The following AKR1B15 variants were observed in gnomAD, a reference collection of about 807,000 sequenced individuals.
The protein encoded by AKR1B15 is estradiol 17-beta-dehydrogenase AKR1B15.
In AKR1B15, 49 loss-of-function variants were observed where a neutral mutation model predicts 38.5. The observed-to-expected ratio is 1.27, with a 90% CI of 1.01 to 1.62. AKR1B15 has a LOEUF of 1.62. AKR1B15 is among the 40% of genes most tolerant of loss of function. The pLI is 0.00. For missense variants in AKR1B15, 411 were observed against 381.6 expected (o/e 1.08, Z -0.64); for synonymous variants, 137 against 135.5 (o/e 1.01, Z -0.08).
chr7:134,573,226 T>A (rs1048372201), intron 6 of AKR1B15: 1 of 209,350 alleles, frequency 4.8e-6, no homozygotes, highest in Non-Finnish European at 8.3e-6. Flanking sequence ...AGATGAGGTT[T>A]CACCATGTTG....
At chr7:134,569,781 A>C in intron 5 of AKR1B15, 2 of 402,998 alleles carry the variant, frequency 5.0e-6, no homozygotes. Flanking sequence ...GTGATTTCCT[A>C]TGCCTGTCTT....
intron 6 of AKR1B15, chr7:134,573,631 G>C: frequency 1.2e-6 from 1 of 834,860 alleles, no homozygotes; most frequent in Non-Finnish European, 1.4e-6. Context: ...GTATAAAGAA[G>C]TCAAGTTTTA....
intron 9 of AKR1B15, 126 bp downstream of exon 9, chr7:134,576,556 A>G (rs182480159): frequency 6.9e-5 from 80 of 1,162,766 alleles, no homozygotes; most frequent in Middle Eastern, 3.9e-4. Context: ...CCTCTAAAGT[A>G]TTTCCTTTGA....
intron 5 of AKR1B15, 80 bp from the exon 6 acceptor site, chr7:134,571,524 A>G (rs1176751004): frequency 1.3e-5 from 14 of 1,064,250 alleles, no homozygotes; most frequent in South Asian, 2.6e-5. Context: ...TTTAGCAAGC[A>G]TCAGGATCCT....
intron 3 of AKR1B15, among the ~76,000 whole-genome samples, chr7:134,566,721 A>C (rs1201158239): frequency 2.0e-5 from 3 of 151,864 alleles, no homozygotes; most frequent in African/African-American, 7.3e-5. Context: ...GTGCACACTG[A>C]CTTTTTTCCC....
chr7:134,555,591 G>A (rs1794164709), intron 1 of AKR1B15, among the ~76,000 whole-genome samples: 1 of 151,958 alleles, frequency 6.6e-6, no homozygotes, highest in South Asian at 2.1e-4. Flanking sequence ...CTTCCTTCAT[G>A]ACAGGATGTG....
At chr7:134,557,055 C>T (rs758995314) in intron 2 of AKR1B15, among the ~76,000 whole-genome samples, 196 bp downstream of exon 2, 1 of 152,146 alleles carries the variant, frequency 6.6e-6, no homozygotes, top group Non-Finnish European at 1.5e-5. Flanking sequence ...AAATACTCTT[C>T]AAAGAGTTCG....
intron 3 of AKR1B15, among the ~76,000 whole-genome samples, chr7:134,567,855 A>T (rs1562949028): frequency 6.6e-6 from 1 of 152,220 alleles, no homozygotes; most frequent in Non-Finnish European, 1.5e-5. Context: ...TAATCATAAA[A>T]TTAATTCACT....
chr7:134,555,757 G>A (rs567357674), intron 1 of AKR1B15, among the ~76,000 whole-genome samples: 2 of 152,082 alleles, frequency 1.3e-5, no homozygotes, highest in African/African-American at 2.4e-5. Context: ...TGCAGGGTTC[G>A]GACACACCAG....
chr7:134,565,152 G>C (rs1794504232), intron 3 of AKR1B15: 2 of 350,336 alleles, frequency 5.7e-6, no homozygotes, highest in Admixed American at 8.0e-5. Context: ...TGGAAACTTT[G>C]TTCTTACCCT....
In AKR1B15 at chr7:134,575,492, G is replaced by C. The variant is rs199704947; in HGVS notation, c.586G>C (p.Glu196Gln). 36 of 1,613,884 alleles carry C rather than the reference G, an allele frequency of 2.2e-5. 1 individual carries two copies. In the Middle Eastern group the frequency reaches 6.6e-4, roughly 30 times the overall value. Residue 196 changes from glutamate (E) to glutamine (Q), a missense_variant, in exon 7 of 12, where the codon GAG becomes CAG. By Grantham distance (29) the Glu-to-Gln change is conservative. Transcript: ENST00000457545. ...CTCAAATTTCAACCACTTCCAGATC[G>C]AGAGGCTCTTGAACAAACCTGGACT... ...GVSNFNHFQI[E>Q]RLLNKPGLKY...
rs1562952782 is a variant in AKR1B15, at chr7:134,577,020, C to CCAGCA, written c.886_890dup (p.His297GlnfsTer15). 2 of 1,613,902 alleles carry CCAGCA rather than the reference C, an allele frequency of 1.2e-6. No individual in the cohort carries two copies. The highest frequency in any genetic ancestry group is 4.5e-5 in the East Asian group (2 of 44,872). ...GACAGTGATCCCCAAGTCTATGACA[C>CCAGCA]CAGCACACATTGTTGAGAACATTCA... On this transcript the variant is annotated frameshift_variant, in exon 10 of 12. Coordinates refer to ENST00000457545, the MANE Select transcript of AKR1B15 (RefSeq NM_001080538.3). LOFTEE classifies it high-confidence loss of function.
At chr7:134,574,366 T>TTTTGTTTGTTTG (rs748113778) in intron 6 of AKR1B15, among the ~76,000 whole-genome samples, 5 of 152,022 alleles carry the variant, frequency 3.3e-5, no homozygotes, top group Non-Finnish European at 7.4e-5. Context: ...CTCTCGGGGT[T>TTTTGTTTGTTTG]TTTGTTTGTT....
At chr7:134,577,130 C>A (rs1341410156) in intron 10 of AKR1B15, 84 bp downstream of exon 10, 10 of 1,371,338 alleles carry the variant, frequency 7.3e-6, no homozygotes, top group Non-Finnish European at 1.0e-5. Context: ...TCACCTCATC[C>A]CTGCACTGTC....
chr7:134,577,615 G>C, intron 10 of AKR1B15, 89 bp from the exon 11 acceptor site: 2 of 1,445,574 alleles, frequency 1.4e-6, no homozygotes, highest in Non-Finnish European at 9.5e-7. Flanking sequence ...CTGTGAATGT[G>C]AGCTCCCTCC....
intron 11 of AKR1B15, among the ~76,000 whole-genome samples, chr7:134,579,282 AC>A (rs1794828909): frequency 6.6e-6 from 1 of 152,142 alleles, no homozygotes; most frequent in Non-Finnish European, 1.5e-5. Context: ...AGTTGTCATT[AC>A]GAGTTTATTC....
intron 3 of AKR1B15, 79 bp from the exon 4 acceptor site, chr7:134,568,079 G>A: frequency 6.4e-7 from 1 of 1,552,894 alleles, no homozygotes; most frequent in Non-Finnish European, 8.7e-7. Context: ...GGAGTGTGAG[G>A]CCAGCCTGGG....
intron 2 of AKR1B15, among the ~76,000 whole-genome samples, chr7:134,558,947 C>A (rs1794296870): frequency 1.3e-5 from 2 of 152,066 alleles, no homozygotes; most frequent in South Asian, 4.2e-4. Context: ...AAGGACCCTA[C>A]CTAGTGCTCC....
At chr7:134,561,455 C>A (rs775951840) in intron 2 of AKR1B15, among the ~76,000 whole-genome samples, 1 of 152,224 alleles carries the variant, frequency 6.6e-6, no homozygotes, top group Non-Finnish European at 1.5e-5. Flanking sequence ...GATCCACCTG[C>A]CTTGGCCTCC....
Sources: allele counts gnomAD v4.1 joint callset (sites outside exome capture counted in the v4.1 genomes callset), GRCh38; gene constraint gnomAD v4.1.1; transcripts MANE v1.5; gene names NCBI Gene and HGNC (gene_info 2026-07-23, HGNC 2026-07-21).